The following ZNF438 variants were observed in gnomAD, a reference collection of about 807,000 sequenced individuals.
ZNF438 encodes the protein zinc finger protein 438.
In ZNF438, 25 loss-of-function variants were observed where a neutral mutation model predicts 38.0. The observed-to-expected ratio is 0.66, with a 90% CI of 0.48 to 0.92. The LOEUF (loss-of-function observed/expected upper bound fraction) is 0.92, where lower values mean the gene tolerates loss of function less well. ZNF438 is among the 40% of genes least tolerant of loss of function. ZNF438 has a pLI of 0.00. For synonymous variants in ZNF438, 372 were observed against 364.1 expected (o/e 1.02, Z -0.25); for missense variants, 1,007 against 999.6 (o/e 1.01, Z -0.10).
In ZNF438 at chr10:30,876,986, A is replaced by T. The variant is rs775436275; in HGVS notation, c.37+12T>A. The T allele has an allele frequency of 6.2e-6, 10 of 1,603,734 alleles. No individual in the cohort carries two copies. The Admixed American group carries it at 1.2e-4, about 19-fold the overall frequency. On this transcript the variant is annotated intron_variant, in intron 4 of 5. Coordinates refer to ENST00000413025, the Ensembl canonical transcript of ZNF438. ...CAGACTCATCACCATTTTCCTCAGCAGTTTAACTTACCTTCATCTTTTGGT... is the reference window on the plus strand; with the variant it reads ...CAGACTCATCACCATTTTCCTCAGCTGTTTAACTTACCTTCATCTTTTGGT...
At chr10:31,019,269 G>GCC (rs2056423494) in intron 1 of ZNF438, among the ~76,000 whole-genome samples, 1 of 152,132 alleles carries the variant, frequency 6.6e-6, no homozygotes, top group Non-Finnish European at 1.5e-5. Flanking sequence ...CACACAATGT[G>GCC]CCCCTTCATT....
At chr10:30,910,778 A>G (rs2043002809) in intron 2 of ZNF438, among the ~76,000 whole-genome samples, 1 of 151,650 alleles carries the variant, frequency 6.6e-6, no homozygotes, top group African/African-American at 2.4e-5. Context: ...TGTTCTTTAG[A>G]ATTTTTGTGT....
chr10:30,850,051 T>C, exon 5 of ZNF438: 2 of 1,614,118 alleles, frequency 1.2e-6, no homozygotes, highest in Non-Finnish European at 8.5e-7. Flanking sequence ...GAATAGGAAG[T>C]TTCAGGTTTT....
chr10:30,852,130 T>G (rs2132837853), intron 4 of ZNF438, among the ~76,000 whole-genome samples: 1 of 149,772 alleles, frequency 6.7e-6, no homozygotes, highest in South Asian at 2.2e-4. Context: ...ACCACTATAC[T>G]CCAGCCTGGG....
intron 1 of ZNF438, among the ~76,000 whole-genome samples, chr10:30,997,916 G>A (rs998479489): frequency 6.6e-6 from 1 of 152,166 alleles, no homozygotes; most frequent in African/African-American, 2.4e-5. Flanking sequence ...GACAGAGCCA[G>A]AGAGTCTGAT....
intron 2 of ZNF438, among the ~76,000 whole-genome samples, chr10:30,922,835 C>CA (rs1216963223): frequency 0.023 from 2,542 of 110,786 alleles, 79 homozygotes; most frequent in African/African-American, 0.073. Flanking sequence ...AACTTTGTCT[C>CA]AAAAAAAAAA....
At chr10:30,948,312 G>A (rs899882362) in intron 1 of ZNF438, among the ~76,000 whole-genome samples, 3 of 152,094 alleles carry the variant, frequency 2.0e-5, no homozygotes, top group Non-Finnish European at 4.4e-5. Flanking sequence ...AAACAGAACA[G>A]AAAAACTGGA....
chr10:30,974,250 C>A (rs1564772246), intron 1 of ZNF438, among the ~76,000 whole-genome samples: 2 of 152,178 alleles, frequency 1.3e-5, no homozygotes, highest in Admixed American at 6.5e-5. Flanking sequence ...GAGGCCAAGG[C>A]AGGAGGATTG....
chr10:30,863,900 T>A (rs1440435563), intron 4 of ZNF438, among the ~76,000 whole-genome samples: 1 of 152,234 alleles, frequency 6.6e-6, no homozygotes, highest in Non-Finnish European at 1.5e-5. Context: ...TTGTGAACGC[T>A]GGACAGTGTT....
chr10:30,926,046 G>C (rs777310537), intron 2 of ZNF438, among the ~76,000 whole-genome samples: 1 of 152,200 alleles, frequency 6.6e-6, no homozygotes, highest in Admixed American at 6.5e-5. Context: ...ATGTCACACA[G>C]TCATAAAACA....
At chr10:30,934,631 T>C (rs2046046180) in intron 2 of ZNF438, among the ~76,000 whole-genome samples, 1 of 152,228 alleles carries the variant, frequency 6.6e-6, no homozygotes, top group African/African-American at 2.4e-5. Context: ...TTTCACGAAA[T>C]GTCTTTATTC....
At chr10:30,924,717 A>G (rs1489909542) in intron 2 of ZNF438, among the ~76,000 whole-genome samples, 1 of 152,266 alleles carries the variant, frequency 6.6e-6, no homozygotes. Context: ...ACTATTCTTC[A>G]AAAGTATCAA....
At chr10:30,947,054 T>C (rs2047494788) in intron 1 of ZNF438, among the ~76,000 whole-genome samples, 1 of 152,130 alleles carries the variant, frequency 6.6e-6, no homozygotes, top group South Asian at 2.1e-4. Flanking sequence ...ATCTAACTAC[T>C]GTAGGACTGT....
At chr10:31,006,781 G>T (rs1280910819) in intron 1 of ZNF438, among the ~76,000 whole-genome samples, 1 of 126,208 alleles carries the variant, frequency 7.9e-6, no homozygotes, top group Admixed American at 8.2e-5. Flanking sequence ...CGGGGGGCGG[G>T]GGGGGGAACT....
intron 1 of ZNF438, among the ~76,000 whole-genome samples, chr10:30,953,577 T>C (rs1268171028): frequency 1.3e-5 from 2 of 149,974 alleles, no homozygotes; most frequent in Non-Finnish European, 3.0e-5. Context: ...TAAGAATCAA[T>C]TATACATATG....
chr10:30,936,531 A>G (rs548950955), intron 2 of ZNF438, among the ~76,000 whole-genome samples: 8 of 152,234 alleles, frequency 5.3e-5, no homozygotes, highest in African/African-American at 1.9e-4. Context: ...AAAATTAGCC[A>G]GGCATGGTGG....
chr10:30,888,986 C>T (rs1223560103), intron 3 of ZNF438, among the ~76,000 whole-genome samples: 1 of 152,176 alleles, frequency 6.6e-6, no homozygotes, highest in Non-Finnish European at 1.5e-5. Context: ...TTTATACTCC[C>T]ACCAACAGTG....
At chr10:30,875,864 C>A in intron 4 of ZNF438, among the ~76,000 whole-genome samples, 1 of 152,362 alleles carries the variant, frequency 6.6e-6, no homozygotes, top group Non-Finnish European at 1.5e-5. Flanking sequence ...TCTCACTGAC[C>A]AGTCTCAAAG....
chr10:30,972,055 T>C (rs1205014518), intron 1 of ZNF438, among the ~76,000 whole-genome samples: 3 of 152,002 alleles, frequency 2.0e-5, no homozygotes, highest in South Asian at 2.1e-4. Flanking sequence ...CTGCAAGCTC[T>C]GCCTCCCAGG....
Sources: allele counts gnomAD v4.1 joint callset (sites outside exome capture counted in the v4.1 genomes callset), GRCh38; gene constraint gnomAD v4.1.1; transcripts MANE v1.5; gene names NCBI Gene and HGNC (gene_info 2026-07-23, HGNC 2026-07-21).